Variants in PTPRD observed in about 807,000 individuals in gnomAD.
PTPRD encodes protein tyrosine phosphatase receptor type D.
Under a neutral mutation model 214.5 loss-of-function variants are expected in PTPRD, and 34 were observed. That is an observed-to-expected ratio of 0.16 (90% CI 0.12 to 0.21). PTPRD has a LOEUF of 0.21. PTPRD is among the 10% of genes least tolerant of loss of function. PTPRD has a pLI of 1.00. For missense variants in PTPRD, 2,545 were observed against 2,398.7 expected (o/e 1.06, Z -1.27); for synonymous variants, 1,128 against 845.7 (o/e 1.33, Z -5.79).
chr9:10,372,571 A>G (rs1309328266), intron 2 of PTPRD, among the ~76,000 whole-genome samples: 1 of 151,930 alleles, frequency 6.6e-6, no homozygotes, highest in Non-Finnish European at 1.5e-5. Flanking sequence ...GACATTTTCT[A>G]TTACCTTTGC....
At chr9:10,369,758 C>T (rs2097577374) in intron 2 of PTPRD, among the ~76,000 whole-genome samples, 1 of 151,904 alleles carries the variant, frequency 6.6e-6, no homozygotes, top group Non-Finnish European at 1.5e-5. Context: ...AGCTAATCTT[C>T]AATACTTTCC....
chr9:8,713,655 C>A (rs548002875), intron 12 of PTPRD: 1 of 1,513,686 alleles, frequency 6.6e-7, no homozygotes, highest in East Asian at 2.3e-5. Context: ...ACATGGGCGC[C>A]CGGCACCGCG....
intron 3 of PTPRD, among the ~76,000 whole-genome samples, chr9:10,056,515 A>G (rs1291571546): frequency 6.6e-6 from 1 of 151,874 alleles, no homozygotes; most frequent in Non-Finnish European, 1.5e-5. Flanking sequence ...CAAACATTTT[A>G]CTCTGTTCTT....
At chr9:9,153,390 T>C (rs1157823004) in intron 10 of PTPRD, among the ~76,000 whole-genome samples, 1 of 152,184 alleles carries the variant, frequency 6.6e-6, no homozygotes, top group Admixed American at 6.6e-5. Flanking sequence ...AGTATATGTG[T>C]GTGAGGATGT....
At chr9:8,328,311 A>G (rs1257940778) in intron 44 of PTPRD, among the ~76,000 whole-genome samples, 1 of 152,152 alleles carries the variant, frequency 6.6e-6, no homozygotes, top group East Asian at 1.9e-4. Flanking sequence ...TTCTGGGTTG[A>G]AAAGTCTTTT....
intron 9 of PTPRD, among the ~76,000 whole-genome samples, chr9:9,228,562 A>G (rs529359011): frequency 6.6e-6 from 1 of 152,198 alleles, no homozygotes; most frequent in South Asian, 2.1e-4. Flanking sequence ...ATGGCAATAA[A>G]TACATGGACT....
At chr9:9,427,175 G>C (rs1046574014) in intron 8 of PTPRD, among the ~76,000 whole-genome samples, 19 of 152,134 alleles carry the variant, frequency 1.2e-4, no homozygotes, top group Non-Finnish European at 2.2e-4. Context: ...AAAAAGATTA[G>C]ACGAATGGCT....
intron 12 of PTPRD, among the ~76,000 whole-genome samples, chr9:8,653,357 T>G (rs528888629): frequency 6.6e-6 from 1 of 152,126 alleles, no homozygotes; most frequent in East Asian, 1.9e-4. Flanking sequence ...CAGTTATACT[T>G]TTACTTAGAC....
At chr9:9,668,702 T>C (rs2096770414) in intron 7 of PTPRD, among the ~76,000 whole-genome samples, 1 of 152,202 alleles carries the variant, frequency 6.6e-6, no homozygotes, top group Non-Finnish European at 1.5e-5. Context: ...TTATTTTTAT[T>C]ATTACTTTGC....
intron 11 of PTPRD, among the ~76,000 whole-genome samples, chr9:8,957,459 G>A (rs562449717): frequency 4.0e-5 from 6 of 151,444 alleles, no homozygotes; most frequent in Admixed American, 2.0e-4. Flanking sequence ...CTTCTGTTCT[G>A]TTTTTGAAAT....
At chr9:10,461,852 C>T (rs919252367) in intron 2 of PTPRD, among the ~76,000 whole-genome samples, 12 of 152,086 alleles carry the variant, frequency 7.9e-5, no homozygotes, top group African/African-American at 2.7e-4. Flanking sequence ...GAGCTCCTGA[C>T]CTCAGGTAAT....
At chr9:9,793,850 A>C (rs1424771839) in intron 5 of PTPRD, among the ~76,000 whole-genome samples, 1 of 152,128 alleles carries the variant, frequency 6.6e-6, no homozygotes, top group Non-Finnish European at 1.5e-5. Flanking sequence ...TATTAAAATT[A>C]AAAAGTTTTG....
intron 7 of PTPRD, among the ~76,000 whole-genome samples, chr9:9,718,978 G>A (rs2097885506): frequency 6.6e-6 from 1 of 152,178 alleles, no homozygotes; most frequent in Admixed American, 6.5e-5. Flanking sequence ...CTTCAAGCCA[G>A]GGATGACCTG....
intron 11 of PTPRD, among the ~76,000 whole-genome samples, chr9:9,008,244 T>TATTTATTTATTTATTA (rs1567558345): frequency 6.6e-6 from 1 of 150,652 alleles, no homozygotes; most frequent in East Asian, 2.0e-4. Context: ...TTTATTTATT[T>TATTTATTTATTTATTA]TTGAGACAGA....
chr9:8,483,945 T>C (rs1315683399), intron 30 of PTPRD, among the ~76,000 whole-genome samples, 174 bp downstream of exon 30: 6 of 152,244 alleles, frequency 3.9e-5, no homozygotes, highest in Non-Finnish European at 1.5e-5. Context: ...TGTGTTACAA[T>C]GAATACTAGG....
intron 7 of PTPRD, among the ~76,000 whole-genome samples, chr9:9,711,957 C>A: frequency 6.6e-6 from 1 of 152,152 alleles, no homozygotes; most frequent in East Asian, 1.9e-4. Context: ...TCTCCCTGGG[C>A]ACAAATACTG....
At chr9:9,568,982 G>A (rs1429111166) in intron 8 of PTPRD, among the ~76,000 whole-genome samples, 1 of 151,790 alleles carries the variant, frequency 6.6e-6, no homozygotes, top group Non-Finnish European at 1.5e-5. Flanking sequence ...ATAAGGAGTT[G>A]TGAATAAAAG....
Position 9,071,780 on chromosome 9 carries a change from A to G in PTPRD, c.-142-53045T>C, listed in dbSNP as rs180800894. Among the ~76,000 whole-genome samples the G allele has an allele frequency of 3.7e-3, 569 of 152,308 alleles. 8 individuals are homozygous for G. The highest frequency in any genetic ancestry group is 0.011 in the South Asian group (54 of 4,832). On this transcript the variant is annotated intron_variant, in intron 10 of 45. Coordinates refer to ENST00000381196, the MANE Select transcript of PTPRD (RefSeq NM_002839.4). ...TAAGCTATAACTGGGCTCTTGATTC[A>G]TAAAAACTGGGAGAAAACAAGTGTG... is the stretch of plus-strand genomic sequence containing the variant.
intron 14 of PTPRD, among the ~76,000 whole-genome samples, chr9:8,624,226 G>A (rs1467440774): frequency 6.6e-6 from 1 of 151,832 alleles, no homozygotes; most frequent in East Asian, 1.9e-4. Flanking sequence ...GGGAAAAAAA[G>A]GAACTAAAAT....
Sources: allele counts gnomAD v4.1 joint callset (sites outside exome capture counted in the v4.1 genomes callset), GRCh38; gene constraint gnomAD v4.1.1; transcripts MANE v1.5; gene names NCBI Gene and HGNC (gene_info 2026-07-23, HGNC 2026-07-21).